SSBP3: variants seen among roughly 807,000 people sequenced by gnomAD.
SSBP3 encodes single stranded DNA binding protein 3, also known as single-stranded DNA-binding protein 3.
Under a neutral mutation model 69.6 loss-of-function variants are expected in SSBP3, and 5 were observed. That is an observed-to-expected ratio of 0.07 (90% CI 0.04 to 0.15). The LOEUF (loss-of-function observed/expected upper bound fraction) is 0.15. Among genes scored for constraint, SSBP3 ranks in the 10% least tolerant of loss-of-function variants. SSBP3 has a pLI of 1.00. For missense variants in SSBP3, 312 were observed against 534.0 expected (o/e 0.58, Z 4.10); for synonymous variants, 196 against 193.4 (o/e 1.01, Z -0.11).
At position 54,269,068 on chromosome 1, in the gene SSBP3, A is replaced by G. The variant is rs58678883; in HGVS notation, c.367-10919T>C. The stretch of plus-strand genomic sequence containing the variant: ...TTAATACACCAAGCTGTGGCTCGGA[A>G]TCTGCCCCGCCTCGTGGAATCCTTC... On this transcript the variant is annotated intron_variant, in intron 5 of 17. Coordinates refer to ENST00000610401, the Ensembl canonical transcript of SSBP3. Among the ~76,000 whole-genome samples the G allele has an allele frequency of 7.5e-3, 1,141 of 152,262 alleles. 10 individuals are homozygous for G. Among genetic ancestry groups the G allele is most frequent in the African/African-American group, 0.026 (1,098 of 41,540 alleles).
At chr1:54,355,606 C>T (rs1450706656) in intron 4 of SSBP3, among the ~76,000 whole-genome samples, 1 of 152,164 alleles carries the variant, frequency 6.6e-6, no homozygotes, top group Non-Finnish European at 1.5e-5. Context: ...GGCTCAGCCT[C>T]CCGAAGTGCT....
intron 4 of SSBP3, among the ~76,000 whole-genome samples, chr1:54,343,186 G>A (rs1466178439): frequency 6.6e-6 from 1 of 152,158 alleles, no homozygotes; most frequent in African/African-American, 2.4e-5. Flanking sequence ...TTTTCATATT[G>A]CTACTACCAT....
At chr1:54,407,318 G>T (rs1397998486), upstream of SSBP3, among the ~76,000 whole-genome samples, 1 of 152,206 alleles carries the variant, frequency 6.6e-6, no homozygotes, top group Non-Finnish European at 1.5e-5. Flanking sequence ...CCCGCGACGC[G>T]GAATGCTCGC....
intron 11 of SSBP3, 101 bp from the exon 12 acceptor site, chr1:54,241,610 C>T (rs1170383095): frequency 5.4e-6 from 7 of 1,304,402 alleles, no homozygotes; most frequent in Middle Eastern, 2.6e-4. Context: ...GGAAAGGCAT[C>T]GCCACCCAGT....
At chr1:54,240,050 GTGT>G (rs1644581810) in intron 13 of SSBP3, among the ~76,000 whole-genome samples, 1 of 18,060 alleles carries the variant, frequency 5.5e-5, no homozygotes, top group Non-Finnish European at 1.1e-4. Flanking sequence ...GTGATGGGGT[GTGT>G]GTGTGTGTGT....
Position 54,381,305 on chromosome 1 carries a change from C to G in SSBP3, c.276+20556G>C, listed in dbSNP as rs938839266. On this transcript the variant is annotated intron_variant, in intron 4 of 17. Transcript: ENST00000610401. Reference sequence around the variant, plus strand: ...GGCTGAGGCAAGACAATCACTTAAACTCGGGAGGCAGAGGTTGCAGTGAGC... The same window carrying G: ...GGCTGAGGCAAGACAATCACTTAAAGTCGGGAGGCAGAGGTTGCAGTGAGC... Among the ~76,000 whole-genome samples the G allele has an allele frequency of 2.8e-5, 4 of 144,170 alleles. No homozygotes were observed. The Admixed American group carries it at 3.0e-4, about 11-fold the overall frequency. 94.6% of individuals were successfully genotyped at this position (144,170 alleles called of 152,430 possible).
At chr1:54,385,604 T>G (rs571363768) in intron 4 of SSBP3, among the ~76,000 whole-genome samples, 1 of 152,334 alleles carries the variant, frequency 6.6e-6, no homozygotes, top group Non-Finnish European at 1.5e-5. Context: ...AAATACTTCC[T>G]GCTTTTCATT....
chr1:54,243,452 G>T, intron 9 of SSBP3, 153 bp from the exon 10 acceptor site: 2 of 902,008 alleles, frequency 2.2e-6, no homozygotes, highest in South Asian at 1.5e-5. Context: ...ACGGTGGGGC[G>T]GGTGGGAACC....
intron 4 of SSBP3, among the ~76,000 whole-genome samples, chr1:54,381,243 C>A (rs1019372894): frequency 1.3e-5 from 2 of 151,800 alleles, no homozygotes; most frequent in African/African-American, 4.8e-5. Flanking sequence ...ATTAGCCGGG[C>A]GTGGTGGCGT....
intron 4 of SSBP3, among the ~76,000 whole-genome samples, chr1:54,338,819 C>A (rs1163822781): frequency 6.6e-6 from 1 of 152,204 alleles, no homozygotes; most frequent in African/African-American, 2.4e-5. Context: ...ACAGCCCCAG[C>A]CTCCTACATC....
chr1:54,268,586 T>C (rs979771979), intron 5 of SSBP3, among the ~76,000 whole-genome samples: 1 of 152,260 alleles, frequency 6.6e-6, no homozygotes, highest in Non-Finnish European at 1.5e-5. Context: ...AATTGCCCAC[T>C]GAGCAGAAGA....
chr1:54,388,836 A>G (rs958537042), intron 4 of SSBP3, among the ~76,000 whole-genome samples: 14 of 152,206 alleles, frequency 9.2e-5, no homozygotes, highest in African/African-American at 3.1e-4. Flanking sequence ...GAGCTCAGCC[A>G]TCTCCGGAGA....
chr1:54,371,140 C>T (rs747574184), intron 4 of SSBP3, among the ~76,000 whole-genome samples: 10 of 152,234 alleles, frequency 6.6e-5, no homozygotes, highest in African/African-American at 9.6e-5. Context: ...AAGCTACAGA[C>T]ACTTGTTCCA....
intron 4 of SSBP3, among the ~76,000 whole-genome samples, chr1:54,307,069 C>G (rs1321640025): frequency 6.6e-6 from 1 of 152,192 alleles, no homozygotes; most frequent in Non-Finnish European, 1.5e-5. Context: ...CAACACATCA[C>G]CAAGGCCCTA....
At chr1:54,229,860 C>T (rs574245190) in intron 14 of SSBP3, among the ~76,000 whole-genome samples, 8 of 152,316 alleles carry the variant, frequency 5.3e-5, no homozygotes, top group Non-Finnish European at 1.0e-4. Flanking sequence ...GAGCAGCTCA[C>T]GGATACCCAA....
intron 9 of SSBP3, among the ~76,000 whole-genome samples, chr1:54,245,444 G>C (rs1644717103): frequency 6.6e-6 from 1 of 152,246 alleles, no homozygotes; most frequent in Non-Finnish European, 1.5e-5. Context: ...AGAATGGGAA[G>C]ATGGAGACCT....
At chr1:54,294,548 G>A (rs1049750585) in intron 4 of SSBP3, among the ~76,000 whole-genome samples, 15 of 152,226 alleles carry the variant, frequency 9.9e-5, no homozygotes, top group Non-Finnish European at 1.9e-4. Context: ...ATGAGAGGGA[G>A]TGGGGTGGCC....
intron 13 of SSBP3, among the ~76,000 whole-genome samples, chr1:54,239,634 G>A (rs1231476497): frequency 6.6e-6 from 1 of 152,220 alleles, no homozygotes; most frequent in Non-Finnish European, 1.5e-5. Context: ...CAGGCTGATG[G>A]GGCAGGAGGG....
rs1452960425 is a variant in SSBP3 at position 54,248,173 on chromosome 1, T to C, written c.651+3443A>G. ...CTAAAAGCAATCTAATTCCCGGCTG[T>C]GAATCACATGCCGATGGTCTCCCAC... On this transcript the variant is annotated intron_variant, in intron 9 of 17. Transcript: ENST00000610401. 5.3e-5 allele frequency among the ~76,000 whole-genome samples: 8 copies of C among 152,348 alleles called. No homozygotes were observed. In the East Asian group the frequency reaches 1.5e-3, roughly 29 times the overall value.
Sources: gnomAD v4.1 joint callset for allele counts (sites outside exome capture counted in the v4.1 genomes callset) on GRCh38, gnomAD v4.1.1 for gene constraint, MANE v1.5 for transcripts, NCBI Gene and HGNC (gene_info 2026-07-23, HGNC 2026-07-21) for gene names.